PHLPP1: variants seen among roughly 807,000 people sequenced by gnomAD.
PHLPP1 encodes PH domain leucine-rich repeat-containing protein phosphatase 1.
A neutral mutation model predicts 117.2 loss-of-function variants in PHLPP1; 42 were observed. That is an observed-to-expected ratio of 0.36 (90% CI 0.28 to 0.46). PHLPP1 has a LOEUF of 0.46. PHLPP1 is among the 20% of genes least tolerant of loss of function. The pLI is 1.00. For synonymous variants in PHLPP1, 1,042 were observed against 970.7 expected (o/e 1.07, Z -1.37); for missense variants, 2,084 against 2,241.9 (o/e 0.93, Z 1.42).
At chr18:62,822,475 G>A (rs1342687321) in intron 1 of PHLPP1, among the ~76,000 whole-genome samples, 16 of 151,474 alleles carry the variant, frequency 1.1e-4, no homozygotes, top group Admixed American at 1.1e-3. Context: ...TAGTAGAGAC[G>A]GGGTTTCACC....
intron 1 of PHLPP1, among the ~76,000 whole-genome samples, chr18:62,737,998 G>A (rs2122069057): frequency 6.6e-6 from 1 of 152,200 alleles, no homozygotes; most frequent in Non-Finnish European, 1.5e-5. Flanking sequence ...TATGTTCCAA[G>A]ACCTCTAGTG....
intron 11 of PHLPP1, among the ~76,000 whole-genome samples, chr18:62,942,243 A>C (rs976461147): frequency 2.6e-5 from 4 of 152,168 alleles, no homozygotes; most frequent in African/African-American, 9.7e-5. Context: ...TCCTAGAGCC[A>C]GGTGTGGCAG....
chr18:62,956,238 C>G lies in PHLPP1; in HGVS notation c.3325-2391C>G, dbSNP rs1455067199. ...CTCGCAGTTCTAGAGGCTGGGAAGT[C>G]CAAGATGAAGGTACCAGCAGATTTG... On this transcript the variant is annotated intron_variant, in intron 12 of 16. Coordinates refer to ENST00000262719, the MANE Select transcript of PHLPP1 (RefSeq NM_194449.4). Among the ~76,000 whole-genome samples the G allele has an allele frequency of 3.9e-5, 6 of 152,204 alleles. No homozygotes were observed. The East Asian group carries it at 9.7e-4, about 25-fold the overall frequency.
chr18:62,730,252 C>G (rs993882337), intron 1 of PHLPP1, among the ~76,000 whole-genome samples: 4 of 152,198 alleles, frequency 2.6e-5, no homozygotes, highest in African/African-American at 9.7e-5. Flanking sequence ...ACTGACACGG[C>G]TTTTCTGCAT....
chr18:62,767,018 C>A (rs2043212421), intron 1 of PHLPP1, among the ~76,000 whole-genome samples: 1 of 152,174 alleles, frequency 6.6e-6, no homozygotes, highest in Non-Finnish European at 1.5e-5. Flanking sequence ...AGATTAAATT[C>A]TAGCTCCTGC....
chr18:62,789,715 G>C (rs1395030625), intron 1 of PHLPP1, among the ~76,000 whole-genome samples: 1 of 152,058 alleles, frequency 6.6e-6, no homozygotes, highest in East Asian at 1.9e-4. Context: ...AATCCCTGAT[G>C]CTGTTTGGAA....
intron 1 of PHLPP1, among the ~76,000 whole-genome samples, chr18:62,818,326 A>G (rs1914351733): frequency 6.6e-6 from 1 of 152,014 alleles, no homozygotes; most frequent in Admixed American, 6.6e-5. Context: ...AAGTCAGGAG[A>G]CCAAGACCAA....
chr18:62,912,349 A>G, intron 8 of PHLPP1, among the ~76,000 whole-genome samples: 1 of 109,072 alleles, frequency 9.2e-6, no homozygotes, highest in East Asian at 2.2e-4. Flanking sequence ...TGATCCATCA[A>G]AAAAAAAATT....
At chr18:62,834,882 C>G (rs12454675) in intron 2 of PHLPP1, among the ~76,000 whole-genome samples, 2,553 of 152,188 alleles carry the variant, frequency 0.017, 31 homozygotes, top group South Asian at 0.052. Flanking sequence ...TCTCCCACTC[C>G]TCTCCATCCC....
At chr18:62,722,865 T>A (rs1910964629) in intron 1 of PHLPP1, among the ~76,000 whole-genome samples, 1 of 152,212 alleles carries the variant, frequency 6.6e-6, no homozygotes, top group Non-Finnish European at 1.5e-5. Context: ...TAGCAACTCT[T>A]TGAAGATGTG....
intron 1 of PHLPP1, among the ~76,000 whole-genome samples, chr18:62,819,618 C>A (rs960744508): frequency 3.3e-5 from 5 of 152,088 alleles, no homozygotes; most frequent in Non-Finnish European, 7.4e-5. Flanking sequence ...AAAGAGGTAA[C>A]TGCTGCCTAC....
intron 7 of PHLPP1, among the ~76,000 whole-genome samples, chr18:62,904,330 A>C (rs762168996): frequency 2.6e-5 from 4 of 152,240 alleles, no homozygotes; most frequent in Non-Finnish European, 5.9e-5. Flanking sequence ...TAGCTTAGTA[A>C]GCGATAGAGA....
At chr18:62,799,229 A>T (rs1173232960) in intron 1 of PHLPP1, among the ~76,000 whole-genome samples, 1 of 152,210 alleles carries the variant, frequency 6.6e-6, no homozygotes, top group Non-Finnish European at 1.5e-5. Context: ...GATACTAAAA[A>T]TAACATTTTG....
chr18:62,977,393 A>T (rs1911219657), intron 16 of PHLPP1, among the ~76,000 whole-genome samples: 1 of 150,486 alleles, frequency 6.6e-6, no homozygotes, highest in Admixed American at 6.6e-5. Context: ...GAATCTCAAA[A>T]TTTGAAGAAT....
At chr18:62,937,237 C>G (rs941097279) in intron 10 of PHLPP1, among the ~76,000 whole-genome samples, 1 of 152,214 alleles carries the variant, frequency 6.6e-6, no homozygotes, top group East Asian at 1.9e-4. Flanking sequence ...AGCAATTGCT[C>G]AAGAAGCAGG....
chr18:62,924,676 GA>G (rs35464959), intron 10 of PHLPP1, among the ~76,000 whole-genome samples: 53,481 of 93,724 alleles, frequency 0.57, 12,848 homozygotes, highest in Middle Eastern at 0.7. Flanking sequence ...ACTACAAATT[GA>G]AAAAAAAAAA....
intron 1 of PHLPP1, among the ~76,000 whole-genome samples, chr18:62,744,366 A>G (rs996561677): frequency 1.3e-5 from 2 of 152,200 alleles, no homozygotes; most frequent in East Asian, 1.9e-4. Context: ...CTGAAATTCA[A>G]TGCATTTTTT....
Position 62,975,595 on chromosome 18 carries a change from G to T in PHLPP1, c.3954G>T (p.Arg1318Ser). The T allele has an allele frequency of 6.2e-7, 1 of 1,613,256 alleles. No individual in the cohort carries two copies. Among genetic ancestry groups the T allele is most frequent in the Non-Finnish European group, 8.5e-7 (1 of 1,179,196 alleles). ...TGAGCTGTGAAGAAGAGCTGAAGAG[G>T]ATTAAACAGCACAAGGCCATTATCA... ...YIMSCEEELK[R>S]IKQHKAIITE... is the part of the protein sequence containing the mutation. Residue 1318 changes from arginine to serine, a missense_variant, in exon 16 of 17, where the codon AGG becomes AGT. Arg to Ser is a moderately radical substitution (Grantham distance 110). Coordinates refer to ENST00000262719, the MANE Select transcript of PHLPP1 (RefSeq NM_194449.4).
In PHLPP1 at chr18:62,717,246, C is replaced by T. The variant is rs1910783352; in HGVS notation, c.1563C>T (p.Ile521=). The part of the protein sequence containing the change: ...EGMDSEIGCL[I]RFYAGKPHST... Reference sequence around the variant, plus strand: ...TGGACTCGGAGATTGGCTGCCTCATCCGCTTCTATGCAGGTAAGGAAGTCA... The same window carrying T: ...TGGACTCGGAGATTGGCTGCCTCATTCGCTTCTATGCAGGTAAGGAAGTCA... The change falls in exon 1 of 17, where the codon ATC becomes ATT. Residue 521 remains isoleucine (I), a synonymous_variant. Transcript: ENST00000262719. 4.4e-6 allele frequency: 7 copies of T among 1,592,222 alleles called. No individual in the cohort carries two copies. Among genetic ancestry groups the T allele is most frequent in the Non-Finnish European group, 6.0e-6 (7 of 1,166,946 alleles).
Sources: gnomAD v4.1 joint callset for allele counts (sites outside exome capture counted in the v4.1 genomes callset) on GRCh38, gnomAD v4.1.1 for gene constraint, MANE v1.5 for transcripts, NCBI Gene and HGNC (gene_info 2026-07-23, HGNC 2026-07-21) for gene names.